SPECC1L: variants seen among roughly 807,000 people sequenced by gnomAD.
SPECC1L encodes the protein cytospin-A.
SPECC1L carries 40 observed loss-of-function variants against 116.8 expected under a neutral mutation model. The observed-to-expected ratio is 0.34, with a 90% CI of 0.27 to 0.45. The LOEUF is 0.45. SPECC1L is among the 20% of genes least tolerant of loss of function. The pLI is 1.00. For synonymous variants in SPECC1L, 504 were observed against 500.6 expected (o/e 1.01, Z -0.09); for missense variants, 1,110 against 1,373.6 (o/e 0.81, Z 3.03).
At chr22:24,346,544 G>T (rs1601588686) in intron 10 of SPECC1L, among the ~76,000 whole-genome samples, 1 of 152,286 alleles carries the variant, frequency 6.6e-6, no homozygotes, top group Non-Finnish European at 1.5e-5. Flanking sequence ...GAATTGGTTT[G>T]TGATACTTTA....
At chr22:24,378,244 T>G (rs1294410858) in intron 14 of SPECC1L, among the ~76,000 whole-genome samples, 3 of 152,234 alleles carry the variant, frequency 2.0e-5, no homozygotes, top group African/African-American at 7.2e-5. Context: ...AGCTTCAAAC[T>G]TTTCTTCTGC....
chr22:24,411,944 C>G (rs1416675589), intron 15 of SPECC1L, among the ~76,000 whole-genome samples: 1 of 152,232 alleles, frequency 6.6e-6, no homozygotes, highest in East Asian at 1.9e-4. Flanking sequence ...GTGGGAGCAG[C>G]CAGTCCTTCC....
intron 14 of SPECC1L, among the ~76,000 whole-genome samples, chr22:24,379,700 C>T (rs1033349602): frequency 6.6e-6 from 1 of 152,132 alleles, no homozygotes; most frequent in Non-Finnish European, 1.5e-5. Context: ...CATTTCCTAT[C>T]GACACTTCTT....
chr22:24,364,574 A>G (rs2041713606), intron 12 of SPECC1L, among the ~76,000 whole-genome samples: 1 of 151,448 alleles, frequency 6.6e-6, no homozygotes, highest in Non-Finnish European at 1.5e-5. Flanking sequence ...GAGGCAGGAG[A>G]ATCACTTGAA....
intron 1 of SPECC1L, among the ~76,000 whole-genome samples, chr22:24,272,681 A>C (rs1421686857): frequency 6.6e-6 from 1 of 151,860 alleles, no homozygotes; most frequent in African/African-American, 2.4e-5. Context: ...AAAAAAAAAA[A>C]CAGCTATTAC....
At position 24,322,001 on chromosome 22, in the gene SPECC1L, T is replaced by A. The variant is rs1438813738; in HGVS notation, c.1021T>A (p.Ser341Thr). Residue 341 changes from serine (S) to threonine (T), a missense_variant, in exon 5 of 17, where the codon TCC becomes ACC. By Grantham distance (58) the Ser-to-Thr change is moderately conservative. This residue lies in a region of SPECC1L where 437 missense variants were observed against 482.6 expected (regional missense o/e 0.91). Coordinates refer to ENST00000314328, the MANE Select transcript of SPECC1L (RefSeq NM_015330.6). ...ACTAATGGACCATCAGCACAGTAACTCCATGGACAATTTAGACAGTGAGTG... is the reference window on the plus strand; with the variant it reads ...ACTAATGGACCATCAGCACAGTAACACCATGGACAATTTAGACAGTGAGTG... ...NTLMDHQHSN[S>T]MDNLDSECSE... 4 of 1,613,996 alleles carry A rather than the reference T, an allele frequency of 2.5e-6. No individual in the cohort carries two copies. Among genetic ancestry groups the A allele is most frequent in the Non-Finnish European group, 3.4e-6 (4 of 1,180,028 alleles).
At chr22:24,412,307 C>T (rs959815959) in intron 15 of SPECC1L, 4 of 396,078 alleles carry the variant, frequency 1.0e-5, no homozygotes, top group Middle Eastern at 8.0e-4. Flanking sequence ...CCTCGAAGAT[C>T]CCTGTGGGGG....
intron 3 of SPECC1L, among the ~76,000 whole-genome samples, chr22:24,307,773 A>G (rs2049530387): frequency 6.6e-6 from 1 of 151,588 alleles, no homozygotes; most frequent in Admixed American, 6.6e-5. Context: ...TCCTGATTGC[A>G]GGAGATCCTT....
intron 14 of SPECC1L, among the ~76,000 whole-genome samples, chr22:24,380,265 C>G (rs1384930900): frequency 1.3e-5 from 2 of 152,226 alleles, no homozygotes. Flanking sequence ...CTTTGCCTGT[C>G]TAGCTATAAA....
At chr22:24,325,390 A>G (rs1194807993) in intron 6 of SPECC1L, among the ~76,000 whole-genome samples, 6 of 151,158 alleles carry the variant, frequency 4.0e-5, no homozygotes, top group Non-Finnish European at 5.9e-5. Flanking sequence ...TGTTTCCAGG[A>G]AAAAAAAATA....
chr22:24,305,924 CTT>C (rs954188922), intron 3 of SPECC1L, among the ~76,000 whole-genome samples: 14 of 144,488 alleles, frequency 9.7e-5, no homozygotes, highest in South Asian at 2.2e-4. Flanking sequence ...TTCATACAAT[CTT>C]TTTTTTTTTT....
chr22:24,393,397 G>A lies in SPECC1L; in HGVS notation c.3088-18191G>A, dbSNP rs185005424. ...TACATGATGTAAGCCAGGTGTGTTT[G>A]CAGCTGCAGGACTTTCTAGTGATTC... On this transcript the variant is annotated intron_variant, in intron 14 of 16. Coordinates refer to ENST00000314328, the MANE Select transcript of SPECC1L (RefSeq NM_015330.6). Among the ~76,000 whole-genome samples the A allele has an allele frequency of 1.6e-4, 24 of 152,246 alleles. No individual in the cohort carries two copies. The East Asian group carries it at 4.4e-3, about 28-fold the overall frequency.
At chr22:24,312,919 A>G (rs1402922608) in intron 3 of SPECC1L, among the ~76,000 whole-genome samples, 1 of 152,230 alleles carries the variant, frequency 6.6e-6, no homozygotes, top group African/African-American at 2.4e-5. Context: ...TCATGGAATC[A>G]CTTTAGAGCA....
At chr22:24,362,165 G>T (rs890748411) in intron 11 of SPECC1L, among the ~76,000 whole-genome samples, 22 of 152,208 alleles carry the variant, frequency 1.4e-4, no homozygotes, top group Non-Finnish European at 2.8e-4. Context: ...GTCCTGGTCT[G>T]AAGAGTCTTG....
chr22:24,368,430 C>T (rs1053637341), intron 13 of SPECC1L, among the ~76,000 whole-genome samples: 10 of 152,118 alleles, frequency 6.6e-5, no homozygotes, highest in African/African-American at 2.4e-4. Flanking sequence ...AAACAGTGTA[C>T]AACATAGAAC....
intron 11 of SPECC1L, 68 bp from the exon 12 acceptor site, chr22:24,363,193 T>G: frequency 1.4e-6 from 2 of 1,395,490 alleles, no homozygotes; most frequent in Non-Finnish European, 2.0e-6. Context: ...ACTCACCTTC[T>G]TTGTACCTTT....
At chr22:24,347,650 C>T (rs1438490679) in intron 11 of SPECC1L, among the ~76,000 whole-genome samples, 1 of 152,032 alleles carries the variant, frequency 6.6e-6, no homozygotes, top group Admixed American at 6.6e-5. Context: ...CTCTTTGGAG[C>T]CCTTGGGAGG....
intron 10 of SPECC1L, among the ~76,000 whole-genome samples, chr22:24,340,809 T>G (rs2041162828): frequency 6.6e-6 from 1 of 152,160 alleles, no homozygotes; most frequent in South Asian, 2.1e-4. Context: ...CCATAATCTC[T>G]GGGGACTGGG....
chr22:24,332,877 G>A (rs1171597553), intron 8 of SPECC1L, among the ~76,000 whole-genome samples: 1 of 152,042 alleles, frequency 6.6e-6, no homozygotes, highest in African/African-American at 2.4e-5. Flanking sequence ...ATTTTTAGGA[G>A]TAGAAAGGGG....
Sources: allele counts gnomAD v4.1 joint callset (sites outside exome capture counted in the v4.1 genomes callset), GRCh38; gene constraint gnomAD v4.1.1; regional missense constraint gnomAD v4.1.1; transcripts MANE v1.5; gene names NCBI Gene and HGNC (gene_info 2026-07-23, HGNC 2026-07-21).